Variants in SCN11A observed in about 807,000 individuals in gnomAD.
SCN11A encodes the protein sodium channel protein type 11 subunit alpha.
A neutral mutation model predicts 162.2 loss-of-function variants in SCN11A; 122 were observed. The observed-to-expected ratio is 0.75, with a 90% CI of 0.65 to 0.87. The LOEUF is 0.87. SCN11A is among the 40% of genes least tolerant of loss of function. SCN11A has a pLI of 0.00. For missense variants in SCN11A, 2,015 were observed against 2,181.6 expected (o/e 0.92, Z 1.52); for synonymous variants, 758 against 751.5 (o/e 1.01, Z -0.14).
rs2125578797 is a variant in SCN11A at position 38,951,764 on chromosome 3, T to C, written c.-7-1395A>G. Among the ~76,000 whole-genome samples, 4 of 152,246 alleles carry C rather than the reference T, an allele frequency of 2.6e-5. No individual in the cohort carries two copies. In the Middle Eastern group the frequency reaches 0.014, roughly 518 times the overall value. On this transcript the variant is annotated intron_variant, in intron 4 of 29. Coordinates refer to ENST00000302328, the MANE Select transcript of SCN11A (RefSeq NM_001349253.2). ...CTGGTGGGGCCTTGGAGAACCTTTG[T>C]GTCTATACTCTGTATCTAACTAATC...
chr3:39,024,123 A>G (rs2031524823), intron 2 of SCN11A, among the ~76,000 whole-genome samples: 1 of 152,264 alleles, frequency 6.6e-6, no homozygotes, highest in South Asian at 2.1e-4. Flanking sequence ...ACAAGAGAAG[A>G]ACATAACAGA....
At chr3:39,000,671 T>C (rs1183358265) in intron 2 of SCN11A, among the ~76,000 whole-genome samples, 2 of 152,224 alleles carry the variant, frequency 1.3e-5, no homozygotes, top group Non-Finnish European at 2.9e-5. Flanking sequence ...TTTGATCTTA[T>C]TAGCATGTAT....
intron 7 of SCN11A, among the ~76,000 whole-genome samples, chr3:38,938,060 A>G (rs1430216936): frequency 1.3e-5 from 2 of 152,206 alleles, no homozygotes; most frequent in Non-Finnish European, 2.9e-5. Flanking sequence ...ATAAAAAATG[A>G]TGAGTTCATG....
intron 20 of SCN11A, 150 bp downstream of exon 20, chr3:38,885,975 A>T (rs1490967107): frequency 1.1e-5 from 6 of 559,176 alleles, no homozygotes; most frequent in African/African-American, 3.7e-5. Context: ...TCATACTAGT[A>T]AAGTTGAGAA....
In SCN11A at chr3:38,845,945, T is replaced by C. The variant is rs1398737142; in HGVS notation, c.*749A>G. On this transcript the variant is annotated 3_prime_UTR_variant, in exon 30 of 30. Coordinates refer to ENST00000302328, the MANE Select transcript of SCN11A (RefSeq NM_001349253.2). ...AAGCTATTCATTTATTGGCAAGTTT[T>C]GAATTTTCATTTAGCATGCAAAAGA... is the stretch of plus-strand genomic sequence containing the variant. The C allele has an allele frequency of 1.3e-5, 2 of 152,258 alleles. No homozygotes were observed. Among genetic ancestry groups the C allele is most frequent in the Non-Finnish European group, 2.9e-5 (2 of 68,044 alleles). The allele number at this position is 152,258 out of a possible 1,614,324, so 9.4% of individuals were successfully genotyped here. A position where few individuals can be genotyped will look rare whatever the true frequency, so the allele number is the denominator to read the frequency against.
chr3:39,017,118 G>A (rs1465168380), intron 2 of SCN11A, among the ~76,000 whole-genome samples: 2 of 152,120 alleles, frequency 1.3e-5, no homozygotes, highest in African/African-American at 2.4e-5. Flanking sequence ...CCTCAGGAAT[G>A]AAATTAGAGA....
rs202104486 is a variant in SCN11A at position 38,871,695 on chromosome 3, G to A, written c.3509C>T (p.Ala1170Val). 4.2e-5 allele frequency: 68 copies of A among 1,603,038 alleles called. No individual in the cohort carries two copies. The highest frequency in any genetic ancestry group is 5.6e-5 in the Non-Finnish European group (66 of 1,176,202). The change falls in exon 25 of 30, where the codon GCT (alanine) becomes GTT (valine). Residue 1170 changes from alanine to valine, a missense_variant. By Grantham distance (64) the Ala-to-Val change is moderately conservative (BLOSUM62 0). Transcript: ENST00000302328. ...QFEGMKVVVNALIGAIPAILN... is the reference protein window; with the variant it reads ...QFEGMKVVVNVLIGAIPAILN... ...AATGGCAGGTATGGCACCTATGAGA[G>A]CATTGACCACCACCTTATGGAAACA...
At chr3:39,036,255 C>T (rs564935805) in intron 1 of SCN11A, among the ~76,000 whole-genome samples, 95 of 152,234 alleles carry the variant, frequency 6.2e-4, no homozygotes, top group African/African-American at 2.0e-3. Flanking sequence ...GAGATTCTCA[C>T]GCCTCAGGCC....
intron 7 of SCN11A, among the ~76,000 whole-genome samples, chr3:38,939,882 G>A (rs1297528842): frequency 1.1e-4 from 16 of 148,946 alleles, no homozygotes; most frequent in African/African-American, 3.0e-4. Context: ...CAGCCTGAGC[G>A]ACAAGAGTGA....
chr3:38,943,128 C>T (rs1242501876), intron 7 of SCN11A, among the ~76,000 whole-genome samples: 1 of 148,628 alleles, frequency 6.7e-6, no homozygotes, highest in Non-Finnish European at 1.5e-5. Context: ...AACTTAGCAA[C>T]AAAAAGAAAA....
At chr3:38,893,438 T>C (rs2065533937) in intron 19 of SCN11A, among the ~76,000 whole-genome samples, 1 of 152,138 alleles carries the variant, frequency 6.6e-6, no homozygotes, top group Admixed American at 6.5e-5. Context: ...AATACCTTAT[T>C]TTCAGAAATG....
intron 19 of SCN11A, among the ~76,000 whole-genome samples, chr3:38,894,186 A>G (rs1197164300): frequency 6.6e-6 from 1 of 152,114 alleles, no homozygotes; most frequent in African/African-American, 2.4e-5. Flanking sequence ...AAACCAACCA[A>G]CAAACAAAAC....
intron 28 of SCN11A, among the ~76,000 whole-genome samples, chr3:38,855,531 G>C (rs1334326186): frequency 1.3e-5 from 2 of 152,108 alleles, no homozygotes; most frequent in East Asian, 3.9e-4. Context: ...GGCCAACTTA[G>C]GGCAAGCGTA....
chr3:38,983,822 G>A (rs149503182), intron 2 of SCN11A, among the ~76,000 whole-genome samples: 1 of 152,148 alleles, frequency 6.6e-6, no homozygotes, highest in Admixed American at 6.6e-5. Context: ...AAGCTAACTT[G>A]TGTTGGGTTT....
chr3:38,963,460 A>G (rs1052334684), intron 2 of SCN11A, among the ~76,000 whole-genome samples: 1 of 139,550 alleles, frequency 7.2e-6, no homozygotes, highest in African/African-American at 2.7e-5. Flanking sequence ...AGATATATAT[A>G]TATATATGAT....
chr3:39,050,088 G>T (rs988030381), intron 1 of SCN11A, among the ~76,000 whole-genome samples: 1 of 152,136 alleles, frequency 6.6e-6, no homozygotes, highest in Non-Finnish European at 1.5e-5. Flanking sequence ...TTAAAATACA[G>T]ACATATTATT....
At chr3:38,953,100 T>C (rs2066641513) in intron 4 of SCN11A, among the ~76,000 whole-genome samples, 1 of 152,108 alleles carries the variant, frequency 6.6e-6, no homozygotes, top group African/African-American at 2.4e-5. Flanking sequence ...CTCTAACTAT[T>C]GGGAATTGGC....
chr3:38,991,349 G>C (rs1478670718), intron 2 of SCN11A, among the ~76,000 whole-genome samples: 1 of 152,102 alleles, frequency 6.6e-6, no homozygotes, highest in South Asian at 2.1e-4. Context: ...CGCCCAGAGG[G>C]AGCTGGGGAC....
At chr3:39,030,033 CT>C (rs1306480576) in intron 2 of SCN11A, among the ~76,000 whole-genome samples, 4 of 152,314 alleles carry the variant, frequency 2.6e-5, no homozygotes, top group African/African-American at 9.6e-5. Context: ...GCCCACAGTG[CT>C]TGCTGGTCTC....
Sources: gnomAD v4.1 joint callset for allele counts (sites outside exome capture counted in the v4.1 genomes callset) on GRCh38, gnomAD v4.1.1 for gene constraint, MANE v1.5 for transcripts, NCBI Gene and HGNC (gene_info 2026-07-23, HGNC 2026-07-21) for gene names.